Variants in WDR13 observed in about 807,000 individuals in gnomAD.
WDR13 encodes WD repeat-containing protein 13.
Under a neutral mutation model 28.6 loss-of-function variants are expected in WDR13, and 1 was observed. That is an observed-to-expected ratio of 0.03 (90% CI 0.01 to 0.17). The LOEUF (loss-of-function observed/expected upper bound fraction) is 0.17, where lower values mean the gene tolerates loss of function less well. WDR13 is among the 10% of genes least tolerant of loss of function. The pLI, the probability that WDR13 is intolerant of heterozygous loss-of-function variation, is 1.00. For missense variants in WDR13, 264 were observed against 469.3 expected, an observed-to-expected ratio of 0.56 and a Z score of 4.04; for synonymous variants, 201 against 185.9, an observed-to-expected ratio of 1.08 and a Z score of -0.66.
rs2147230332 is a variant in WDR13 at position 48,605,419 on chromosome X, T to A, written c.*387T>A. On this transcript the variant is annotated 3_prime_UTR_variant, in exon 10 of 10. Transcript: ENST00000376729. Reference sequence around the variant, plus strand: ...GCCTGCCTTCATTGGGCTTGCATCATAGCGGAGACAGTAGATAAAAACATG... The same window carrying A: ...GCCTGCCTTCATTGGGCTTGCATCAAAGCGGAGACAGTAGATAAAAACATG... 6.7e-6 allele frequency: 1 copy of A among 150,173 alleles called. No individual in the cohort carries two copies. Among genetic ancestry groups the A allele is most frequent in the African/African-American group, 3.0e-5 (1 of 33,135 alleles). 12.4% of individuals were successfully genotyped at this position (150,173 alleles called of 1,213,427 possible). A position where few individuals can be genotyped will look rare whatever the true frequency, so the allele number is the denominator to read the frequency against.
At chrX:48,602,760 C>T (rs2062196382) in intron 8 of WDR13, among the ~76,000 whole-genome samples, 1 of 110,433 alleles carries the variant, frequency 9.1e-6, no homozygotes, top group Admixed American at 9.8e-5. Flanking sequence ...CTGGCCAGTC[C>T]TGAAAACCAC....
In WDR13 at chrX:48,598,504, T is replaced by C; in HGVS notation, c.42-213T>C. 3 of 1,049,581 alleles carry C rather than the reference T, an allele frequency of 2.9e-6. No individual in the cohort carries two copies. In the South Asian group the frequency reaches 8.2e-5, roughly 29 times the overall value. 86.5% of individuals were successfully genotyped at this position (1,049,581 alleles called of 1,213,427 possible). A position where few individuals can be genotyped will look rare whatever the true frequency, so the allele number is the denominator to read the frequency against. ...GCACGGCAGCAGACTGACTCTGTTGTCTGCAAACTGACCTCATGACCATGC... is the reference window on the plus strand; with the variant it reads ...GCACGGCAGCAGACTGACTCTGTTGCCTGCAAACTGACCTCATGACCATGC... On this transcript the variant is annotated intron_variant, in intron 2 of 9. Transcript: ENST00000376729.
rs782750489 is a variant in WDR13, at chrX:48,602,754, C to T, written c.1154+548C>T. 4.1e-4 allele frequency among the ~76,000 whole-genome samples: 45 copies of T among 110,461 alleles called. No homozygotes were observed. The South Asian group carries it at 0.015, about 37-fold the overall frequency. On this transcript the variant is annotated intron_variant, in intron 8 of 9. Coordinates refer to ENST00000376729, the MANE Select transcript of WDR13 (RefSeq NM_001347217.2). ...GAGAAATTCCCTAAGCAATGTCTGG[C>T]CAGTCCTGAAAACCACTGCCTAACA...
In WDR13 at chrX:48,608,794, G is replaced by A. The variant is rs2062236151; in HGVS notation, c.*3762G>A. On this transcript the variant is annotated 3_prime_UTR_variant, in exon 10 of 10. Coordinates refer to ENST00000376729, the MANE Select transcript of WDR13 (RefSeq NM_001347217.2). ...GACATTCTACTTTAAACTCATCTTGGTGGCACTTTTCTTGACTCACCACCT... is the reference window on the plus strand; with the variant it reads ...GACATTCTACTTTAAACTCATCTTGATGGCACTTTTCTTGACTCACCACCT... 1 of 111,146 alleles carries A rather than the reference G, an allele frequency of 9.0e-6. No homozygotes were observed. The highest frequency in any genetic ancestry group is 9.7e-5 in the Admixed American group (1 of 10,343). The allele number at this position is 111,146 out of a possible 1,213,427, so 9.2% of individuals were successfully genotyped here.
chrX:48,597,976 G>C lies in WDR13; in HGVS notation c.-21G>C. The C allele has an allele frequency of 8.6e-7, 1 of 1,165,274 alleles. No homozygotes were observed. Among genetic ancestry groups the C allele is most frequent in the Non-Finnish European group, 1.1e-6 (1 of 872,109 alleles). On this transcript the variant is annotated 5_prime_UTR_variant, in exon 2 of 10. Transcript: ENST00000376729. ...CCTGCAGGCTGCCGCGGGCGGACAC[G>C]CCAGAGGAGGAGGCCGGGGAATGGC...
rs782314526 is a variant in WDR13, at chrX:48,598,830, G to A, written c.155G>A (p.Arg52Gln). ...GCTGGGCACCCCCCAGCGCTGCGTC[G>A]GCAGTACCTGAGGCTTCGGGGGCAG... ...AKAGHPPALR[R>Q]QYLRLRGQLL... The change falls in exon 3 of 10, where the codon CGG becomes CAG. Residue 52 changes from arginine (R) to glutamine (Q), a missense_variant. Transcript: ENST00000376729. 3 of 1,206,399 alleles carry A rather than the reference G, an allele frequency of 2.5e-6. No homozygotes were observed. Among genetic ancestry groups the A allele is most frequent in the Non-Finnish European group, 2.2e-6 (2 of 893,030 alleles).
Position 48,598,259 on chromosome X carries a change from C to CAA in WDR13, c.41+224_41+225dup, listed in dbSNP as rs1218177446. 22 of 1,080,208 alleles carry CAA rather than the reference C, an allele frequency of 2.0e-5. No individual in the cohort carries two copies. In the African/African-American group the frequency reaches 3.1e-4, roughly 15 times the overall value. 89.0% of individuals were successfully genotyped at this position (1,080,208 alleles called of 1,213,427 possible). A position where few individuals can be genotyped will look rare whatever the true frequency, so the allele number is the denominator to read the frequency against. On this transcript the variant is annotated intron_variant, in intron 2 of 9. Transcript: ENST00000376729. ...AAATGTGGTCAGATGTGGGCATGCG[C>CAA]AAAGCGGCTACCTGTGAGAGGGAGG...
Position 48,598,841 on chromosome X carries a change from A to G in WDR13, c.166A>G (p.Arg56Gly). 2.5e-6 allele frequency: 3 copies of G among 1,206,495 alleles called. No homozygotes were observed. Among genetic ancestry groups the G allele is most frequent in the South Asian group, 1.8e-5 (1 of 56,327 alleles). ...HPPALRRQYLRLRGQLLGQRY... is the reference protein window; with the variant it reads ...HPPALRRQYLGLRGQLLGQRY... ...CCCAGCGCTGCGTCGGCAGTACCTG[A>G]GGCTTCGGGGGCAGCTGCTGGGCCA... is the stretch of plus-strand genomic sequence containing the variant. The change falls in exon 3 of 10, where the codon AGG becomes GGG. Residue 56 changes from arginine to glycine, a missense_variant. Coordinates refer to ENST00000376729, the MANE Select transcript of WDR13 (RefSeq NM_001347217.2).
chrX:48,599,937 C>T, intron 5 of WDR13: 1 of 497,324 alleles, frequency 2.0e-6, no homozygotes, highest in South Asian at 3.6e-5. Context: ...TTGCAGCAGG[C>T]TGCCTGGGTT....
At position 48,608,432 on chromosome X, in the gene WDR13, A is replaced by C. The variant is rs2062234549; in HGVS notation, c.*3400A>C. ...CACCCGGCCCGAGTGAGCCATTCTT[A>C]TCTCTTAGGGAATGGTGGGAACCCT... On this transcript the variant is annotated 3_prime_UTR_variant, in exon 10 of 10. Coordinates refer to ENST00000376729, the MANE Select transcript of WDR13 (RefSeq NM_001347217.2). 1 of 111,677 alleles carries C rather than the reference A, an allele frequency of 9.0e-6. No homozygotes were observed. The highest frequency in any genetic ancestry group is 9.5e-5 in the Admixed American group (1 of 10,474). The allele number at this position is 111,677 out of a possible 1,213,427, so 9.2% of individuals were successfully genotyped here.
At position 48,607,894 on chromosome X, in the gene WDR13, G is replaced by A. The variant is rs1041163342; in HGVS notation, c.*2862G>A. On this transcript the variant is annotated 3_prime_UTR_variant, in exon 10 of 10. Coordinates refer to ENST00000376729, the MANE Select transcript of WDR13 (RefSeq NM_001347217.2). ...AGCAATTCTCCTGCCTCAGCTTCCT[G>A]AATAGCTGGGACTACAGGCGCCTGC... is the stretch of plus-strand genomic sequence containing the variant. The A allele has an allele frequency of 9.3e-6, 1 of 107,391 alleles. No homozygotes were observed. The highest frequency in any genetic ancestry group is 3.0e-4 in the East Asian group (1 of 3,354). The allele number at this position is 107,391 out of a possible 1,213,427, so 8.9% of individuals were successfully genotyped here.
Position 48,604,368 on chromosome X carries a change from C to T in WDR13, c.1251C>T (p.Ser417=). The T allele has an allele frequency of 1.7e-6, 2 of 1,210,427 alleles. No individual in the cohort carries two copies. The highest frequency in any genetic ancestry group is 2.2e-6 in the Non-Finnish European group (2 of 894,780). Residue 417 remains serine (S), a synonymous_variant, in exon 9 of 10, where the codon TCC becomes TCT. Transcript: ENST00000376729. The part of the protein sequence containing the change: ...PVRSIFCPLM[S]FRQGACVVTG... Reference sequence around the variant, plus strand: ...GCAGCATCTTCTGTCCCCTCATGTCCTTCCGCCAGGGGGCCTGCGTGGGTG... The same window carrying T: ...GCAGCATCTTCTGTCCCCTCATGTCTTTCCGCCAGGGGGCCTGCGTGGGTG...
chrX:48,599,541 T>C, intron 4 of WDR13, 46 bp from the exon 5 acceptor site: 1 of 1,210,718 alleles, frequency 8.3e-7, no homozygotes, highest in Middle Eastern at 2.3e-4. Context: ...GACTGAACAC[T>C]CTCGCATCTA....
At position 48,601,951 on chromosome X, in the gene WDR13, T is replaced by C. The variant is rs1556994741; in HGVS notation, c.999T>C (p.Phe333=). The change falls in exon 7 of 10, where the codon TTT becomes TTC. Residue 333 remains phenylalanine (F), a synonymous_variant. Coordinates refer to ENST00000376729, the MANE Select transcript of WDR13 (RefSeq NM_001347217.2). ...DDRGSVFSFL[F]DMATGKLTKA... ...GTGGCAGTGTCTTCTCTTTCCTCTT[T>C]GATATGGCCACAGGTAGGCAGACAG... is the stretch of plus-strand genomic sequence containing the variant. The C allele has an allele frequency of 1.7e-6, 2 of 1,192,569 alleles. No individual in the cohort carries two copies. Among genetic ancestry groups the C allele is most frequent in the Admixed American group, 2.2e-5 (1 of 44,541 alleles).
At position 48,607,207 on chromosome X, in the gene WDR13, C is replaced by T. The variant is rs781949637; in HGVS notation, c.*2175C>T. Reference sequence around the variant, plus strand: ...TGTGCAGGACCAACTCCCAGAGAGACCCAGGCACAAGTTTCCAGGGCTTCT... The same window carrying T: ...TGTGCAGGACCAACTCCCAGAGAGATCCAGGCACAAGTTTCCAGGGCTTCT... On this transcript the variant is annotated 3_prime_UTR_variant, in exon 10 of 10. Coordinates refer to ENST00000376729, the MANE Select transcript of WDR13 (RefSeq NM_001347217.2). 1 of 110,863 alleles carries T rather than the reference C, an allele frequency of 9.0e-6. No individual in the cohort carries two copies. The highest frequency in any genetic ancestry group is 1.9e-5 in the Non-Finnish European group (1 of 52,996). The allele number at this position is 110,863 out of a possible 1,213,427, so 9.1% of individuals were successfully genotyped here. A position where few individuals can be genotyped will look rare whatever the true frequency, so the allele number is the denominator to read the frequency against.
chrX:48,599,096 C>A, intron 3 of WDR13, 139 bp downstream of exon 3: 2 of 932,635 alleles, frequency 2.1e-6, no homozygotes, highest in Non-Finnish European at 2.9e-6. Flanking sequence ...CCAAGTAAAC[C>A]AGTAAACACA....
rs1446995858 is a variant in WDR13 at position 48,599,361 on chromosome X, G to A, written c.291G>A (p.Glu97=). The A allele has an allele frequency of 2.5e-6, 3 of 1,192,136 alleles. No individual in the cohort carries two copies. Among genetic ancestry groups the A allele is most frequent in the African/African-American group, 3.5e-5 (2 of 56,549 alleles). The change falls in exon 4 of 10, where the codon GAG becomes GAA. Residue 97 remains glutamate (E), a synonymous_variant. Transcript: ENST00000376729. ...ACCCTCTCCATTTGCAGGACTTTGAGGATGATCCTCGGGCCCTGGGGGCCC... is the reference window on the plus strand; with the variant it reads ...ACCCTCTCCATTTGCAGGACTTTGAAGATGATCCTCGGGCCCTGGGGGCCC... ...RTTLDRMEDF[E]DDPRALGARG...
intron 1 of WDR13, 27 bp from the exon 2 acceptor site, chrX:48,597,931 C>T: frequency 8.7e-7 from 1 of 1,153,881 alleles, no homozygotes; most frequent in Non-Finnish European, 1.2e-6. Flanking sequence ...GCTCGGGACG[C>T]TCACATTCCA....
intron 8 of WDR13, among the ~76,000 whole-genome samples, chrX:48,602,908 C>T (rs1161854318): frequency 1.8e-5 from 2 of 111,475 alleles, no homozygotes; most frequent in Non-Finnish European, 3.8e-5. Context: ...TCCTTTCTTC[C>T]TCCTGCCACC....
Sources: gnomAD v4.1 joint callset for allele counts (sites outside exome capture counted in the v4.1 genomes callset) on GRCh38, gnomAD v4.1.1 for gene constraint, MANE v1.5 for transcripts, NCBI Gene and HGNC (gene_info 2026-07-23, HGNC 2026-07-21) for gene names.